VTI1A: variants seen among roughly 807,000 people sequenced by gnomAD.
The protein encoded by VTI1A is vesicle transport through interaction with t-SNAREs homolog 1A.
In VTI1A, 22 loss-of-function variants were observed where a neutral mutation model predicts 34.9. The observed-to-expected ratio is 0.63, with a 90% confidence interval of 0.45 to 0.90. The LOEUF is 0.90. Ranked by LOEUF, VTI1A falls within the 40% of genes least tolerant of loss-of-function variation. VTI1A has a pLI of 0.00. For missense variants in VTI1A, 268 were observed against 275.6 expected, an observed-to-expected ratio of 0.97 and a Z score of 0.20; for synonymous variants, 87 against 97.3, an observed-to-expected ratio of 0.89 and a Z score of 0.62.
chr10:112,831,371 T>C, the VTI1A span: 10 of 152,312 alleles, frequency 6.6e-5, no homozygotes, highest in African/African-American at 1.9e-4. Context: ...GAAGAGGCGC[T>C]GGGCCATCGG....
intron 5 of VTI1A, among the ~76,000 whole-genome samples, chr10:112,605,451 T>C (rs1356844865): frequency 6.6e-6 from 1 of 152,178 alleles, no homozygotes; most frequent in African/African-American, 2.4e-5. Context: ...GCTTTACTGT[T>C]TCTCCACTAC....
chr10:112,830,849 A>ATATATATATATATTTTTTTTTTT, the VTI1A span, among the ~76,000 whole-genome samples: 1 of 33,512 alleles, frequency 3.0e-5, no homozygotes, highest in Non-Finnish European at 4.9e-5. Flanking sequence ...ATATATATAT[A>ATATATATATATATTTTTTTTTTT]TTTTTTTTTT....
At chr10:112,617,620 A>G (rs1221297548) in intron 5 of VTI1A, among the ~76,000 whole-genome samples, 1 of 152,104 alleles carries the variant, frequency 6.6e-6, no homozygotes, top group Non-Finnish European at 1.5e-5. Context: ...TCAGAGTTCA[A>G]GTATTCTAAG....
chr10:112,609,089 A>G (rs1459324897), intron 5 of VTI1A, among the ~76,000 whole-genome samples: 1 of 152,214 alleles, frequency 6.6e-6, no homozygotes, highest in Admixed American at 6.5e-5. Flanking sequence ...ATATATGGTT[A>G]TGATAAAGAT....
rs191375349 is a variant in VTI1A at position 112,449,375 on chromosome 10, C to T, written c.94+1908C>T. ...GTTGTAAATTTCCAAGAAAACAGAT[C>T]GTGTTACAATTTTTTTCTTGCCTTT... On this transcript the variant is annotated intron_variant, in intron 1 of 7. Transcript: ENST00000393077. 7.8e-4 allele frequency: 119 copies of T among 152,286 alleles called. 1 individual carries two copies. Among genetic ancestry groups the T allele is most frequent in the African/African-American group, 2.7e-3 (114 of 41,556 alleles). 9.4% of individuals were successfully genotyped at this position (152,286 alleles called of 1,614,324 possible).
At chr10:112,457,635 T>G (rs561307432) in intron 1 of VTI1A, among the ~76,000 whole-genome samples, 2 of 152,258 alleles carry the variant, frequency 1.3e-5, no homozygotes, top group East Asian at 3.9e-4. Context: ...TGGAAATATA[T>G]CAGCGTTAGA....
intron 3 of VTI1A, among the ~76,000 whole-genome samples, chr10:112,466,734 A>T (rs1052896314): frequency 3.9e-5 from 6 of 152,178 alleles, no homozygotes; most frequent in African/African-American, 1.4e-4. Context: ...TATGGGTTCT[A>T]GAAAAACAAA....
intron 5 of VTI1A, among the ~76,000 whole-genome samples, chr10:112,547,582 A>G (rs1220803384): frequency 6.6e-6 from 1 of 152,022 alleles, no homozygotes; most frequent in East Asian, 1.9e-4. Context: ...TGTCTCAATA[A>G]TAATCATAAT....
chr10:112,583,448 G>A (rs544133666), intron 5 of VTI1A, among the ~76,000 whole-genome samples: 48 of 152,326 alleles, frequency 3.2e-4, no homozygotes, highest in Non-Finnish European at 6.5e-4. Context: ...GTTTGTGGCT[G>A]CATTCCATGC....
intron 5 of VTI1A, among the ~76,000 whole-genome samples, chr10:112,546,204 T>TACACAC (rs140142571): frequency 1.9e-4 from 26 of 136,256 alleles, no homozygotes; most frequent in Middle Eastern, 7.5e-3. Context: ...TATATATGCA[T>TACACAC]ACACACACAC....
At chr10:112,828,554 C>G in the VTI1A span, among the ~76,000 whole-genome samples, 1 of 151,750 alleles carries the variant, frequency 6.6e-6, no homozygotes, top group Admixed American at 6.6e-5. Context: ...TACAGGCGCC[C>G]GCCACCACGC....
chr10:112,535,874 T>A (rs1381417404), intron 4 of VTI1A, among the ~76,000 whole-genome samples: 2 of 152,202 alleles, frequency 1.3e-5, no homozygotes, highest in Admixed American at 1.3e-4. Flanking sequence ...GATTTTAGTT[T>A]GACTTAAGTG....
At chr10:112,678,637 T>G (rs781526715) in intron 7 of VTI1A, among the ~76,000 whole-genome samples, 2 of 152,200 alleles carry the variant, frequency 1.3e-5, no homozygotes, top group Non-Finnish European at 2.9e-5. Context: ...ATTTTTTTGT[T>G]TGAACGCTCA....
chr10:112,639,299 TATC>T (rs1258795865), intron 5 of VTI1A, among the ~76,000 whole-genome samples: 2 of 152,138 alleles, frequency 1.3e-5, no homozygotes, highest in Non-Finnish European at 2.9e-5. Flanking sequence ...AAAAGCAAAA[TATC>T]ATTTAAATAC....
chr10:112,750,623 T>C (rs1289427618), intron 7 of VTI1A, among the ~76,000 whole-genome samples: 1 of 152,186 alleles, frequency 6.6e-6, no homozygotes, highest in Non-Finnish European at 1.5e-5. Context: ...GCCTCTCACC[T>C]AGGATACTCC....
At chr10:112,681,515 A>G (rs1439745698) in intron 7 of VTI1A, among the ~76,000 whole-genome samples, 1 of 152,246 alleles carries the variant, frequency 6.6e-6, no homozygotes, top group Non-Finnish European at 1.5e-5. Context: ...AATCAAAAGA[A>G]GAATATTTTT....
At chr10:112,603,502 T>C (rs1214254664) in intron 5 of VTI1A, among the ~76,000 whole-genome samples, 1 of 152,192 alleles carries the variant, frequency 6.6e-6, no homozygotes, top group Non-Finnish European at 1.5e-5. Context: ...ACCATTTCAG[T>C]AGTAATAGTA....
At chr10:112,468,192 C>T (rs1847964078) in intron 3 of VTI1A, among the ~76,000 whole-genome samples, 1 of 152,128 alleles carries the variant, frequency 6.6e-6, no homozygotes, top group African/African-American at 2.4e-5. Context: ...CTCTGGGTTG[C>T]AGAAAGGCCA....
Position 112,816,889 on chromosome 10 carries a change from A to C in VTI1A, c.*1506A>C, listed in dbSNP as rs1297583866. 1.3e-5 allele frequency: 3 copies of C among 230,310 alleles called. No individual in the cohort carries two copies. The highest frequency in any genetic ancestry group is 2.6e-5 in the Non-Finnish European group (3 of 116,296). 14.3% of individuals were successfully genotyped at this position (230,310 alleles called of 1,614,324 possible). A position where few individuals can be genotyped will look rare whatever the true frequency, so the allele number is the denominator to read the frequency against. On this transcript the variant is annotated 3_prime_UTR_variant, in exon 8 of 8. Transcript: ENST00000393077. ...TGGCAGAATCCACCAGAGAAATTGC[A>C]CTTATCGAAACAGGCCAAGGCCTGC...
Sources: gnomAD v4.1 joint callset for allele counts (sites outside exome capture counted in the v4.1 genomes callset) on GRCh38, gnomAD v4.1.1 for gene constraint, MANE v1.5 for transcripts, NCBI Gene and HGNC (gene_info 2026-07-23, HGNC 2026-07-21) for gene names.